MKNK1: variants seen among roughly 807,000 people sequenced by gnomAD.
MKNK1 encodes MAPK interacting serine/threonine kinase 1, also known as MAP kinase-interacting serine/threonine-protein kinase 1.
In MKNK1, 30 loss-of-function variants were observed where a neutral mutation model predicts 49.3. The ratio of observed to expected loss-of-function variants is 0.61; its 90% CI spans 0.46 to 0.83. The LOEUF (loss-of-function observed/expected upper bound fraction) is 0.83, where lower values mean the gene tolerates loss of function less well. Ranked by LOEUF, MKNK1 falls within the 40% of genes least tolerant of loss-of-function variation. The probability of loss-of-function intolerance (pLI) is 0.00; values close to 1 mark genes in which losing one functional copy is unlikely to be tolerated. For missense variants in MKNK1, 423 were observed against 524.7 expected, an observed-to-expected ratio of 0.81 and a Z score of 1.89; for synonymous variants, 176 against 201.7, an observed-to-expected ratio of 0.87 and a Z score of 1.08.
chr1:46,574,992 C>A lies in MKNK1; in HGVS notation c.307G>T (p.Glu103Ter), dbSNP rs774042407. The A allele has an allele frequency of 1.2e-6, 2 of 1,613,026 alleles. No homozygotes were observed. Among genetic ancestry groups the A allele is most frequent in the South Asian group, 2.2e-5 (2 of 90,876 alleles). ...KNILELIEFFEDDTRFYLVFE... is the reference protein window; with the variant it reads ...KNILELIEFF Reference sequence around the variant, plus strand: ...ACCAAGTAAAACCTTGTGTCATCTTCAAAGAACTCAATCAGCTCCAAAATG... The same window carrying A: ...ACCAAGTAAAACCTTGTGTCATCTTAAAAGAACTCAATCAGCTCCAAAATG... The change falls in exon 6 of 13, where the codon GAA becomes TAA. Residue 103 changes from glutamate to a stop codon, truncating the protein, a stop_gained. Transcript: ENST00000371945. LOFTEE classifies it high-confidence loss of function.
At chr1:46,601,627 C>G (rs1326416535) in intron 1 of MKNK1, among the ~76,000 whole-genome samples, 1 of 152,220 alleles carries the variant, frequency 6.6e-6, no homozygotes, top group Non-Finnish European at 1.5e-5. Context: ...CTTGTACTTT[C>G]TTGTTTTTGA....
rs192019930 is a variant in MKNK1, at chr1:46,588,729, C to A, written c.-3+5384G>T. On this transcript the variant is annotated intron_variant, in intron 2 of 12. Coordinates refer to ENST00000371945, the MANE Select transcript of MKNK1 (RefSeq NM_001135553.4). ...GGCTGAGGCAGGAGAATGGCGTAAA[C>A]CCCGGGGGGCGGAGCCTGCAGTGAG... is the stretch of plus-strand genomic sequence containing the variant. 5.4e-3 allele frequency among the ~76,000 whole-genome samples: 822 copies of A among 151,636 alleles called. 6 individuals carry two copies. The highest frequency in any genetic ancestry group is 0.032 in the East Asian group (165 of 5,152).
intron 1 of MKNK1, among the ~76,000 whole-genome samples, chr1:46,595,899 G>A (rs1454344602): frequency 6.6e-6 from 1 of 152,116 alleles, no homozygotes; most frequent in Non-Finnish European, 1.5e-5. Flanking sequence ...CTACAGGCAC[G>A]AGCCACCACG....
chr1:46,595,031 T>C (rs1416714775), intron 1 of MKNK1: 2 of 178,910 alleles, frequency 1.1e-5, no homozygotes, highest in East Asian at 3.8e-4. Context: ...TCTCTCTTAG[T>C]GGCCAAGTCC....
At chr1:46,587,119 A>G (rs1301437540) in intron 2 of MKNK1, among the ~76,000 whole-genome samples, 1 of 152,180 alleles carries the variant, frequency 6.6e-6, no homozygotes, top group African/African-American at 2.4e-5. Flanking sequence ...CAGGTCCTTC[A>G]CTTTCTAAAC....
intron 5 of MKNK1, 34 bp downstream of exon 5, chr1:46,576,541 C>T (rs1214486002): frequency 6.3e-7 from 1 of 1,578,792 alleles, no homozygotes; most frequent in African/African-American, 1.3e-5. Context: ...CAAGCGTCCC[C>T]CCAGAGAAGC....
intron 2 of MKNK1, 35 bp downstream of exon 2, chr1:46,594,078 C>A: frequency 6.6e-7 from 1 of 1,520,300 alleles, no homozygotes; most frequent in South Asian, 1.1e-5. Flanking sequence ...TTGAAGTAAT[C>A]TAAAAGGATA....
At chr1:46,595,330 T>C (rs1244117288) in intron 1 of MKNK1, among the ~76,000 whole-genome samples, 1 of 152,124 alleles carries the variant, frequency 6.6e-6, no homozygotes, top group Non-Finnish European at 1.5e-5. Flanking sequence ...CCAAAATTTC[T>C]AAAAAGGCTT....
At chr1:46,591,542 GAAGA>G (rs1673335117) in intron 2 of MKNK1, among the ~76,000 whole-genome samples, 1 of 152,114 alleles carries the variant, frequency 6.6e-6, no homozygotes, top group Non-Finnish European at 1.5e-5. Context: ...AGTGTGTGCT[GAAGA>G]AAGAGCAAGC....
intron 7 of MKNK1, chr1:46,570,140 G>A (rs1214600653): frequency 6.6e-6 from 1 of 152,210 alleles, no homozygotes; most frequent in Non-Finnish European, 1.5e-5. Flanking sequence ...CACATGGGCA[G>A]CTGGCCAGCT....
chr1:46,597,404 CATCTCTACCCTTGGTCCAAAAAGCCAG>C (rs1674222852), intron 1 of MKNK1, among the ~76,000 whole-genome samples: 1 of 152,050 alleles, frequency 6.6e-6, no homozygotes, highest in Non-Finnish European at 1.5e-5. Flanking sequence ...AGGTTTATGG[CATCTCTACCCTTGGTCCAAAAAGCCAG>C]ATCTCGACCT....
intron 10 of MKNK1, 119 bp downstream of exon 10, chr1:46,562,530 G>A: frequency 8.6e-7 from 1 of 1,162,458 alleles, no homozygotes; most frequent in Non-Finnish European, 1.2e-6. Flanking sequence ...GAGCGGGAGA[G>A]GGCACTATGA....
intron 1 of MKNK1, among the ~76,000 whole-genome samples, chr1:46,600,879 C>T (rs1304026246): frequency 2.0e-5 from 3 of 152,054 alleles, no homozygotes; most frequent in Non-Finnish European, 4.4e-5. Context: ...TGACATTTCA[C>T]TTCTAGAACT....
At chr1:46,583,048 GCT>G (rs1671980000) in intron 3 of MKNK1, 178 bp downstream of exon 3, 2 of 688,036 alleles carry the variant, frequency 2.9e-6, no homozygotes, top group African/African-American at 1.8e-5. Flanking sequence ...TTCCATCCCT[GCT>G]CTCTTTCTGT....
chr1:46,601,252 TA>T (rs1674700126), intron 1 of MKNK1, among the ~76,000 whole-genome samples: 1 of 152,206 alleles, frequency 6.6e-6, no homozygotes, highest in African/African-American at 2.4e-5. Flanking sequence ...TCCCCATCTA[TA>T]AAATGAAAGT....
chr1:46,588,853 A>G (rs1012022003), intron 2 of MKNK1, among the ~76,000 whole-genome samples: 1 of 152,146 alleles, frequency 6.6e-6, no homozygotes, highest in Non-Finnish European at 1.5e-5. Context: ...AATATTTTAT[A>G]AAAACAAATG....
rs1391063264 is a variant in MKNK1, at chr1:46,589,153, C to T, written c.-3+4960G>A. Among the ~76,000 whole-genome samples the T allele has an allele frequency of 6.6e-6, 1 of 152,224 alleles. No individual in the cohort carries two copies. The highest frequency in any genetic ancestry group is 2.4e-5 in the African/African-American group (1 of 41,462). ...GAAGACACAGTCTCTTCCCTGATGG[C>T]GTTTAAATCTGCTGCTGACGCTTAA... On this transcript the variant is annotated intron_variant, in intron 2 of 12. Coordinates refer to ENST00000371945, the MANE Select transcript of MKNK1 (RefSeq NM_001135553.4). The surrounding 1 kb of genome is among the most constrained non-coding windows in gnomAD (Gnocchi z 4.3).
intron 3 of MKNK1, among the ~76,000 whole-genome samples, chr1:46,582,190 C>G (rs1164292675): frequency 6.6e-6 from 1 of 152,094 alleles, no homozygotes; most frequent in Non-Finnish European, 1.5e-5. Context: ...CATACCCTGA[C>G]ACACACAGAC....
chr1:46,559,371 G>A (rs1667529123), intron 12 of MKNK1, among the ~76,000 whole-genome samples: 1 of 152,242 alleles, frequency 6.6e-6, no homozygotes, highest in South Asian at 2.1e-4. Context: ...TTATGGAGGT[G>A]TATGACTTCC....
Sources: allele counts gnomAD v4.1 joint callset (sites outside exome capture counted in the v4.1 genomes callset), GRCh38; gene constraint gnomAD v4.1.1; non-coding constraint Gnocchi (gnomAD v3.1); transcripts MANE v1.5; gene names NCBI Gene and HGNC (gene_info 2026-07-23, HGNC 2026-07-21).